The following ESYT3 variants were observed in gnomAD, a reference collection of about 807,000 sequenced individuals.
ESYT3 encodes the protein extended synaptotagmin 3.
A neutral mutation model predicts 111.5 loss-of-function variants in ESYT3; 101 were observed. The observed-to-expected ratio is 0.91, with a 90% CI of 0.77 to 1.07. The LOEUF (loss-of-function observed/expected upper bound fraction) is 1.07, where lower values mean the gene tolerates loss of function less well. Among genes scored for constraint, ESYT3 ranks in the 50% least tolerant of loss-of-function variants. The pLI, the probability that ESYT3 is intolerant of heterozygous loss-of-function variation, is 0.00. For missense variants in ESYT3, 1,097 were observed against 1,109.4 expected (o/e 0.99, Z 0.16); for synonymous variants, 416 against 446.8 (o/e 0.93, Z 0.87).
chr3:138,447,551 A>G (rs957158278), intron 1 of ESYT3, among the ~76,000 whole-genome samples: 4 of 152,220 alleles, frequency 2.6e-5, no homozygotes, highest in Admixed American at 1.3e-4. Flanking sequence ...TGGAAAATAA[A>G]TGATATTCCC....
At position 138,455,048 on chromosome 3, in the gene ESYT3, T is replaced by G. The variant is rs1018073524; in HGVS notation, c.370-146T>G. ...ACAGATGAACAGGTGAGCAGATGGG[T>G]GGGCAGGCAAGCAGGTGAGTGCTGC... On this transcript the variant is annotated intron_variant, in intron 2 of 22. Transcript: ENST00000389567. 9 of 814,644 alleles carry G rather than the reference T, an allele frequency of 1.1e-5. No homozygotes were observed. The African/African-American group carries it at 1.4e-4, about 12-fold the overall frequency. The allele number at this position is 814,644 out of a possible 1,614,324, so 50.5% of individuals were successfully genotyped here. A position where few individuals can be genotyped will look rare whatever the true frequency, so the allele number is the denominator to read the frequency against.
chr3:138,450,503 G>A (rs914117770), intron 1 of ESYT3, among the ~76,000 whole-genome samples: 1 of 152,254 alleles, frequency 6.6e-6, no homozygotes, highest in East Asian at 1.9e-4. Flanking sequence ...TTTCTCTTCC[G>A]TACCTGGGAA....
chr3:138,463,604 A>C (rs956320181), intron 8 of ESYT3, among the ~76,000 whole-genome samples: 2 of 152,142 alleles, frequency 1.3e-5, no homozygotes, highest in African/African-American at 4.8e-5. Context: ...CCTTGCATAC[A>C]TGTCTTTTTA....
rs1367243594 is a variant in ESYT3 at position 138,470,955 on chromosome 3, A to G, written c.1669A>G (p.Thr557Ala). 1.2e-6 allele frequency: 2 copies of G among 1,613,732 alleles called. No homozygotes were observed. Among genetic ancestry groups the G allele is most frequent in the South Asian group, 1.1e-5 (1 of 91,056 alleles). ...CCAGATCCTCCCCTATGCTGACCTC[A>G]CTCTTGAGCAGCGCTTTCAGCTGGA... ...LCQILPYADL[T>A]LEQRFQLDHS... The change falls in exon 17 of 23, where the codon ACT becomes GCT. Residue 557 changes from threonine to alanine, a missense_variant. Thr to Ala is a moderately conservative substitution (Grantham distance 58). Transcript: ENST00000389567.
chr3:138,472,991 A>G, intron 18 of ESYT3, 132 bp downstream of exon 18: 2 of 1,503,538 alleles, frequency 1.3e-6, no homozygotes, highest in East Asian at 2.3e-5. Context: ...AAGAGGCAGC[A>G]TGGTGTGGTA....
At chr3:138,474,076 C>T (rs1195263652) in intron 19 of ESYT3, 145 bp from the exon 20 acceptor site, 65 of 1,044,838 alleles carry the variant, frequency 6.2e-5, no homozygotes, top group Middle Eastern at 2.3e-4. Context: ...TATCCTTAAG[C>T]GTATCTAATG....
intron 3 of ESYT3, among the ~76,000 whole-genome samples, chr3:138,457,262 C>T (rs2032336363): frequency 6.6e-6 from 1 of 152,204 alleles, no homozygotes; most frequent in Non-Finnish European, 1.5e-5. Flanking sequence ...CTGTAAGCTC[C>T]AGTTTCCTCA....
intron 1 of ESYT3, among the ~76,000 whole-genome samples, chr3:138,438,064 A>C (rs990757296): frequency 2.0e-5 from 3 of 152,174 alleles, no homozygotes; most frequent in Non-Finnish European, 4.4e-5. Flanking sequence ...ACAAACTGTG[A>C]AGGCAAAGAG....
Position 138,473,600 on chromosome 3 carries a change from C to A in ESYT3, c.2302C>A (p.Arg768=). ...IQLTVRYVCL[R]RCLSVLINGC... is the part of the protein sequence containing the mutation. ...GCTCACAGTGCGCTATGTGTGTCTG[C>A]GGCGCTGCCTCAGCGTGCTAATCAA... The change falls in exon 19 of 23, where the codon CGG becomes AGG. Residue 768 remains arginine (R), a synonymous_variant. Coordinates refer to ENST00000389567, the MANE Select transcript of ESYT3 (RefSeq NM_031913.5). The A allele has an allele frequency of 6.2e-7, 1 of 1,613,648 alleles. No individual in the cohort carries two copies. The highest frequency in any genetic ancestry group is 8.5e-7 in the Non-Finnish European group (1 of 1,179,762).
At chr3:138,445,990 A>G (rs937494748) in intron 1 of ESYT3, among the ~76,000 whole-genome samples, 6 of 152,238 alleles carry the variant, frequency 3.9e-5, no homozygotes, top group Non-Finnish European at 8.8e-5. Context: ...GGCTCAAATC[A>G]TATGCAGGTG....
At chr3:138,439,524 C>T (rs1444079047) in intron 1 of ESYT3, among the ~76,000 whole-genome samples, 1 of 152,180 alleles carries the variant, frequency 6.6e-6, no homozygotes, top group Non-Finnish European at 1.5e-5. Context: ...TCCCTGCCCA[C>T]CTCCCTTGGT....
intron 1 of ESYT3, among the ~76,000 whole-genome samples, chr3:138,442,257 T>C (rs1478117783): frequency 2.0e-5 from 3 of 152,232 alleles, no homozygotes; most frequent in Non-Finnish European, 4.4e-5. Context: ...TTCCTTTATA[T>C]AGAAAATATA....
rs1412871928 is a variant in ESYT3 at position 138,476,935 on chromosome 3, AAT to A, written c.*86_*87del. 2 of 1,060,112 alleles carry A rather than the reference AAT, an allele frequency of 1.9e-6. No individual in the cohort carries two copies. The highest frequency in any genetic ancestry group is 2.8e-6 in the Non-Finnish European group (2 of 727,148). 65.7% of individuals were successfully genotyped at this position (1,060,112 alleles called of 1,614,324 possible). Reference sequence around the variant, plus strand: ...TTTTTCCTTTGGATCACTTACATCCAATATATGTATATTTTGTCATTTAAATC... The same window carrying A: ...TTTTTCCTTTGGATCACTTACATCCAATATGTATATTTTGTCATTTAAATC... On this transcript the variant is annotated 3_prime_UTR_variant, in exon 23 of 23. Coordinates refer to ENST00000389567, the MANE Select transcript of ESYT3 (RefSeq NM_031913.5).
intron 7 of ESYT3, among the ~76,000 whole-genome samples, chr3:138,461,635 C>T (rs2032646599): frequency 6.6e-6 from 1 of 152,158 alleles, no homozygotes; most frequent in Non-Finnish European, 1.5e-5. Flanking sequence ...CATCCCTGTC[C>T]CCCGGTATCA....
chr3:138,465,294 G>C, intron 9 of ESYT3, 45 bp from the exon 10 acceptor site: 1 of 1,452,338 alleles, frequency 6.9e-7, no homozygotes. Context: ...TCATATGTCA[G>C]GTCGACTGTT....
At position 138,435,021 on chromosome 3, in the gene ESYT3, A is replaced by T; in HGVS notation, c.223A>T (p.Asn75Tyr). Residue 75 changes from asparagine (N) to tyrosine (Y), a missense_variant, in exon 1 of 23, where the codon AAC becomes TAC. Transcript: ENST00000389567. This position sits in a 1 kb window ranked among gnomAD's most constrained non-coding sequence, Gnocchi z 4.8. ...GALLWMWWRR[N>Y]RRGKLGRLAA... ...CCTGCTGTGGATGTGGTGGCGCAGGAACCGCCGCGGGAAGCTTGGGCGCCT... is the reference window on the plus strand; with the variant it reads ...CCTGCTGTGGATGTGGTGGCGCAGGTACCGCCGCGGGAAGCTTGGGCGCCT... 1 of 1,578,978 alleles carries T rather than the reference A, an allele frequency of 6.3e-7. No homozygotes were observed.
At chr3:138,449,271 A>C (rs895188985) in intron 1 of ESYT3, among the ~76,000 whole-genome samples, 1 of 151,670 alleles carries the variant, frequency 6.6e-6, no homozygotes, top group Non-Finnish European at 1.5e-5. Context: ...TTTTTAGTAG[A>C]GATGGAGTTT....
rs1177040140 is a variant in ESYT3 at position 138,434,926 on chromosome 3, T to A, written c.128T>A (p.Leu43Gln). The change falls in exon 1 of 23, where the codon CTG becomes CAG. Residue 43 changes from leucine to glutamine, a missense_variant. Transcript: ENST00000389567. The part of the protein sequence containing the change: ...PELCTFVVRV[L>Q]FYLGPVYLAG... ...CTCTGTACCTTCGTGGTGCGCGTGCTGTTCTACCTGGGGCCTGTCTACCTA... is the reference window on the plus strand; with the variant it reads ...CTCTGTACCTTCGTGGTGCGCGTGCAGTTCTACCTGGGGCCTGTCTACCTA... 6.4e-7 allele frequency: 1 copy of A among 1,552,066 alleles called. No homozygotes were observed. Among genetic ancestry groups the A allele is most frequent in the Non-Finnish European group, 8.7e-7 (1 of 1,147,226 alleles).
rs1365256001 is a variant in ESYT3 at position 138,473,521 on chromosome 3, GCT to G, written c.2238-12_2238-11del. ...CTTGTTATGGCGAGAGAAGTGATGG[GCT>G]CTTTCTTTACAGAGGTGGGGACCTC... On this transcript the variant is annotated splice_polypyrimidine_tract_variant and intron_variant, in intron 18 of 22. Transcript: ENST00000389567. The G allele has an allele frequency of 6.2e-7, 1 of 1,609,948 alleles. No individual in the cohort carries two copies. Among genetic ancestry groups the G allele is most frequent in the South Asian group, 1.1e-5 (1 of 90,954 alleles).
Sources: gnomAD v4.1 joint callset for allele counts (sites outside exome capture counted in the v4.1 genomes callset) on GRCh38, gnomAD v4.1.1 for gene constraint, Gnocchi (gnomAD v3.1) non-coding constraint, MANE v1.5 for transcripts, NCBI Gene and HGNC (gene_info 2026-07-23, HGNC 2026-07-21) for gene names.